PHF21B: variants seen among roughly 807,000 people sequenced by gnomAD.
The protein encoded by PHF21B is PHD finger protein 21B, also known as PHD finger protein 4.
PHF21B carries 22 observed loss-of-function variants against 62.2 expected under a neutral mutation model. That is an observed-to-expected ratio of 0.35 (90% CI 0.25 to 0.51). The LOEUF (loss-of-function observed/expected upper bound fraction) is 0.51. PHF21B is among the 20% of genes least tolerant of loss of function. PHF21B has a pLI of 0.97. For synonymous variants in PHF21B, 341 were observed against 314.7 expected (o/e 1.08, Z -0.88); for missense variants, 701 against 707.9 (o/e 0.99, Z 0.11).
rs1326253424 is a variant in PHF21B at position 45,009,987 on chromosome 22, A to G, written c.-438T>C. ...GGCCTCGGCAAAGTTGTGCCTCGGC[A>G]CGATGCTAATTCGGCAGTGCCCGGA... is the stretch of plus-strand genomic sequence containing the variant. On this transcript the variant is annotated 5_prime_UTR_variant, in exon 1 of 13. Coordinates refer to ENST00000313237, the MANE Select transcript of PHF21B (RefSeq NM_138415.5). The surrounding 1 kb of genome is among the most constrained non-coding windows in gnomAD (Gnocchi z 5.9). 6.9e-6 allele frequency: 1 copy of G among 145,596 alleles called. No homozygotes were observed. The highest frequency in any genetic ancestry group is 1.5e-5 in the Non-Finnish European group (1 of 65,416). 9.0% of individuals were successfully genotyped at this position (145,596 alleles called of 1,614,324 possible).
chr22:44,994,824 C>T (rs1421401847), intron 2 of PHF21B, among the ~76,000 whole-genome samples: 1 of 152,228 alleles, frequency 6.6e-6, no homozygotes, highest in Non-Finnish European at 1.5e-5. Flanking sequence ...CCCACTTCCG[C>T]AGTATCCAAA....
chr22:44,934,929 A>G (rs1601616182), intron 2 of PHF21B, among the ~76,000 whole-genome samples: 2 of 152,048 alleles, frequency 1.3e-5, no homozygotes, highest in Admixed American at 1.3e-4. Flanking sequence ...CCTCGCTGAG[A>G]CCTTCCAGGA....
intron 2 of PHF21B, among the ~76,000 whole-genome samples, chr22:44,962,495 C>CA (rs1312525350): frequency 6.6e-6 from 1 of 152,220 alleles, no homozygotes; most frequent in Non-Finnish European, 1.5e-5. Flanking sequence ...AAGTGAGTAT[C>CA]ACATGGAATA....
At chr22:44,990,134 A>C (rs2073019851) in intron 2 of PHF21B, among the ~76,000 whole-genome samples, 1 of 152,226 alleles carries the variant, frequency 6.6e-6, no homozygotes, top group Non-Finnish European at 1.5e-5. Context: ...ATTCCCTGGC[A>C]GGATGTGATA....
intron 2 of PHF21B, among the ~76,000 whole-genome samples, chr22:44,961,589 C>A (rs1435334620): frequency 1.3e-5 from 2 of 152,048 alleles, no homozygotes; most frequent in Admixed American, 6.5e-5. Flanking sequence ...GCCTATAATA[C>A]GAGCACTTTG....
chr22:44,994,039 G>GCTT (rs1446227183), intron 2 of PHF21B, among the ~76,000 whole-genome samples: 1 of 152,208 alleles, frequency 6.6e-6, no homozygotes, highest in Non-Finnish European at 1.5e-5. Context: ...GTCCATCTCA[G>GCTT]CTTCTGGCTG....
chr22:44,970,859 C>T (rs1240815025), intron 2 of PHF21B: 2 of 152,226 alleles, frequency 1.3e-5, no homozygotes, highest in Non-Finnish European at 2.9e-5. Context: ...ATGCTGATTA[C>T]ATTCTGACTA....
chr22:44,889,837 A>G, intron 8 of PHF21B, 55 bp from the exon 9 acceptor site: 2 of 1,513,938 alleles, frequency 1.3e-6, no homozygotes, highest in Non-Finnish European at 1.8e-6. Context: ...AGGAGCACAG[A>G]TCAGGACTGG....
intron 5 of PHF21B, among the ~76,000 whole-genome samples, chr22:44,912,527 C>G (rs1774166431): frequency 6.6e-6 from 1 of 152,194 alleles, no homozygotes; most frequent in South Asian, 2.1e-4. Flanking sequence ...CTTCCCTACA[C>G]AAGCTCTCTC....
chr22:44,913,177 CAT>C (rs961667968), intron 5 of PHF21B, among the ~76,000 whole-genome samples: 2 of 152,192 alleles, frequency 1.3e-5, no homozygotes, highest in African/African-American at 4.8e-5. Context: ...GAGGTGGAGA[CAT>C]AGGCAATTTC....
At chr22:44,885,675 C>G (rs1272382398) in intron 11 of PHF21B, 146 bp from the exon 12 acceptor site, 18 of 1,015,200 alleles carry the variant, frequency 1.8e-5, no homozygotes, top group Non-Finnish European at 4.3e-6. Flanking sequence ...TGCACAGGAC[C>G]TGGAGCCACT....
chr22:45,004,858 CCA>C (rs1394004494), intron 2 of PHF21B, among the ~76,000 whole-genome samples: 1 of 152,212 alleles, frequency 6.6e-6, no homozygotes, highest in East Asian at 1.9e-4. Context: ...CTCTCAGAAC[CCA>C]GAGTTCATCA....
chr22:44,922,015 A>T (rs2071547253), intron 2 of PHF21B, among the ~76,000 whole-genome samples: 1 of 152,192 alleles, frequency 6.6e-6, no homozygotes, highest in Admixed American at 6.5e-5. Context: ...CCTGATGGGG[A>T]GAGAGGGAAC....
At chr22:44,922,928 A>G (rs938376511) in intron 2 of PHF21B, among the ~76,000 whole-genome samples, 2 of 152,238 alleles carry the variant, frequency 1.3e-5, no homozygotes, top group Non-Finnish European at 2.9e-5. Context: ...ACCTCAAATC[A>G]AAATCTCAGT....
chr22:44,907,690 C>T (rs1033523379), intron 5 of PHF21B, among the ~76,000 whole-genome samples: 3 of 152,192 alleles, frequency 2.0e-5, no homozygotes, highest in South Asian at 2.1e-4. Context: ...TACATCTATC[C>T]TGATTCTGGG....
At chr22:44,948,437 T>G (rs1485649021) in intron 2 of PHF21B, among the ~76,000 whole-genome samples, 2 of 152,148 alleles carry the variant, frequency 1.3e-5, no homozygotes, top group African/African-American at 4.8e-5. Context: ...ATCCCGGCAC[T>G]CTGGGAGGCC....
intron 2 of PHF21B, among the ~76,000 whole-genome samples, chr22:44,954,210 T>C (rs1326096365): frequency 1.3e-5 from 2 of 152,236 alleles, no homozygotes; most frequent in African/African-American, 4.8e-5. Context: ...AAAATCCCCT[T>C]GGAAAATACT....
chr22:44,924,098 AGGAGGGAGG>A (rs1451311124), intron 2 of PHF21B, among the ~76,000 whole-genome samples: 1 of 74,660 alleles, frequency 1.3e-5, no homozygotes, highest in Non-Finnish European at 2.8e-5. Flanking sequence ...GAAGGAGGAG[AGGAGGGAGG>A]GGAGGGAAGA....
chr22:44,916,476 A>C lies in PHF21B; in HGVS notation c.368T>G (p.Val123Gly). 1.2e-6 allele frequency: 2 copies of C among 1,606,356 alleles called. No individual in the cohort carries two copies. Reference protein sequence around the residue: ...LPTANNTVSHVPAPGSQPQAL... With the variant: ...LPTANNTVSHGPAPGSQPQAL... ...CTGGGGCTGGCTGCCGGGCGCTGGC[A>C]CATGGCTGACAGTGTTGTTGGCGGT... is the stretch of plus-strand genomic sequence containing the variant. The change falls in exon 4 of 13, where the codon GTG becomes GGG. Residue 123 changes from valine (V) to glycine (G), a missense_variant. Coordinates refer to ENST00000313237, the MANE Select transcript of PHF21B (RefSeq NM_138415.5).
Sources: allele counts gnomAD v4.1 joint callset (sites outside exome capture counted in the v4.1 genomes callset), GRCh38; gene constraint gnomAD v4.1.1; non-coding constraint Gnocchi (gnomAD v3.1); transcripts MANE v1.5; gene names NCBI Gene and HGNC (gene_info 2026-07-23, HGNC 2026-07-21).